The following NSFL1C variants were observed in gnomAD, a reference collection of about 807,000 sequenced individuals.
The protein encoded by NSFL1C is NSFL1 cofactor.
A neutral mutation model predicts 43.1 loss-of-function variants in NSFL1C; 14 were observed. The ratio of observed to expected loss-of-function variants is 0.32; its 90% CI spans 0.21 to 0.51. The LOEUF (loss-of-function observed/expected upper bound fraction) is 0.51, where lower values mean the gene tolerates loss of function less well. Ranked by LOEUF, NSFL1C falls within the 20% of genes least tolerant of loss-of-function variation. The pLI is 0.98. For synonymous variants in NSFL1C, 171 were observed against 183.5 expected (o/e 0.93, Z 0.55); for missense variants, 406 against 472.5 (o/e 0.86, Z 1.30).
rs2089973421 is a variant in NSFL1C at position 1,442,695 on chromosome 20, G to C, written c.*1054C>G. ...CACAAGTCAGCAGGTCAAAGAACAA[G>C]TGTGAAGCAGAACCTGCTAAGCAAA... On this transcript the variant is annotated 3_prime_UTR_variant, in exon 9 of 9. Transcript: ENST00000216879. The C allele has an allele frequency of 6.6e-6, 1 of 152,210 alleles. No individual in the cohort carries two copies. Among genetic ancestry groups the C allele is most frequent in the South Asian group, 2.1e-4 (1 of 4,828 alleles). The allele number at this position is 152,210 out of a possible 1,614,324, so 9.4% of individuals were successfully genotyped here. A position where few individuals can be genotyped will look rare whatever the true frequency, so the allele number is the denominator to read the frequency against.
chr20:1,446,311 ATTC>A (rs750066542), intron 7 of NSFL1C, among the ~76,000 whole-genome samples: 1 of 152,052 alleles, frequency 6.6e-6, no homozygotes, highest in Non-Finnish European at 1.5e-5. Flanking sequence ...AGCAATCCAG[ATTC>A]TTCTTCTGTG....
intron 2 of NSFL1C, among the ~76,000 whole-genome samples, chr20:1,462,006 C>T (rs1450389471): frequency 1.3e-5 from 2 of 152,190 alleles, no homozygotes; most frequent in Non-Finnish European, 2.9e-5. Flanking sequence ...TACCTGCTAA[C>T]ATGTACACAA....
At chr20:1,453,677 G>C (rs1392823726) in intron 5 of NSFL1C, among the ~76,000 whole-genome samples, 4 of 152,058 alleles carry the variant, frequency 2.6e-5, no homozygotes, top group Non-Finnish European at 5.9e-5. Context: ...AACCCAAAAT[G>C]ATTTAAAACA....
At position 1,445,791 on chromosome 20, in the gene NSFL1C, T is replaced by C. The variant is rs534224741; in HGVS notation, c.825A>G (p.Gln275=). 1.6e-5 allele frequency: 26 copies of C among 1,614,032 alleles called. No homozygotes were observed. Among genetic ancestry groups the C allele is most frequent in the East Asian group, 1.6e-4 (7 of 44,848 alleles). ...PQVLSTSSPA[Q]QAENEAKASS... is the part of the protein sequence containing the mutation. ...TGGCTTTGGCTTCATTTTCTGCCTGTTGGGCTGGAGAGCTGGTACTCAACA... is the reference window on the plus strand; with the variant it reads ...TGGCTTTGGCTTCATTTTCTGCCTGCTGGGCTGGAGAGCTGGTACTCAACA... The change falls in exon 8 of 9, where the codon CAA becomes CAG. Residue 275 remains glutamine, a synonymous_variant. Transcript: ENST00000216879.
rs2090525302 is a variant in NSFL1C, at chr20:1,466,827, T to C, written c.-3A>G. The C allele has an allele frequency of 6.5e-7, 1 of 1,534,222 alleles. No homozygotes were observed. Among genetic ancestry groups the C allele is most frequent in the African/African-American group, 1.4e-5 (1 of 70,150 alleles). On this transcript the variant is annotated 5_prime_UTR_variant, in exon 1 of 9. Transcript: ENST00000216879. Reference sequence around the variant, plus strand: ...GCCTCCTGTCGCTCCGCCGCCATCTTCGCCCCGTGCGCCTTCCAAAGCGCT... The same window carrying C: ...GCCTCCTGTCGCTCCGCCGCCATCTCCGCCCCGTGCGCCTTCCAAAGCGCT...
chr20:1,464,855 T>A (rs2090478600), intron 1 of NSFL1C, among the ~76,000 whole-genome samples: 1 of 152,294 alleles, frequency 6.6e-6, no homozygotes, highest in Non-Finnish European at 1.5e-5. Flanking sequence ...TAAAAAAAAA[T>A]TTGTTCAAGT....
At chr20:1,465,925 C>T (rs2090500316) in intron 1 of NSFL1C, among the ~76,000 whole-genome samples, 1 of 152,184 alleles carries the variant, frequency 6.6e-6, no homozygotes, top group Non-Finnish European at 1.5e-5. Flanking sequence ...ACATGTAAAG[C>T]AGTCAGAACA....
At chr20:1,458,303 C>T in intron 2 of NSFL1C, 29 bp from the exon 3 acceptor site, 1 of 1,584,702 alleles carries the variant, frequency 6.3e-7, no homozygotes, top group Non-Finnish European at 8.7e-7. Context: ...GCAAAATGAT[C>T]TCAGGGAGCA....
At chr20:1,445,020 T>C (rs748714418) in intron 8 of NSFL1C, among the ~76,000 whole-genome samples, 4 of 152,194 alleles carry the variant, frequency 2.6e-5, no homozygotes, top group Non-Finnish European at 4.4e-5. Flanking sequence ...CAATAACATT[T>C]AGACACTTCT....
rs1272791350 is a variant in NSFL1C, at chr20:1,455,824, C to T, written c.279-692G>A. The T allele has an allele frequency of 6.6e-6, 5 of 761,762 alleles. No individual in the cohort carries two copies. The African/African-American group carries it at 8.5e-5, about 13-fold the overall frequency. 47.2% of individuals were successfully genotyped at this position (761,762 alleles called of 1,614,324 possible). A position where few individuals can be genotyped will look rare whatever the true frequency, so the allele number is the denominator to read the frequency against. ...GTGTGACACAGCACCAGGAGCTCCC[C>T]CAAGCCTCACCTCACCTTGCCATTC... On this transcript the variant is annotated intron_variant, in intron 3 of 8. Transcript: ENST00000216879.
In NSFL1C at chr20:1,445,976, G is replaced by A. The variant is rs1410421940; in HGVS notation, c.786-146C>T. 3.4e-5 allele frequency: 29 copies of A among 840,928 alleles called. No individual in the cohort carries two copies. The Admixed American group carries it at 6.7e-4, about 20-fold the overall frequency. The allele number at this position is 840,928 out of a possible 1,614,324, so 52.1% of individuals were successfully genotyped here. ...TCTATTGACCCAGACAGGGAAAATC[G>A]TGCCCTTATGGAACTTACAGGTCCA... On this transcript the variant is annotated intron_variant, in intron 7 of 8. Coordinates refer to ENST00000216879, the MANE Select transcript of NSFL1C (RefSeq NM_016143.5).
At chr20:1,459,289 AT>A (rs1165604175) in intron 2 of NSFL1C, among the ~76,000 whole-genome samples, 8 of 152,186 alleles carry the variant, frequency 5.3e-5, no homozygotes, top group Admixed American at 4.6e-4. Flanking sequence ...ACAAGATATG[AT>A]CGTTTTAAAA....
chr20:1,453,242 TAAAACACACATA>T, intron 5 of NSFL1C, 102 bp from the exon 6 acceptor site: 2 of 717,250 alleles, frequency 2.8e-6, no homozygotes, highest in South Asian at 1.5e-5. Context: ...TTGCTACTAT[TAAAACACACATA>T]GAGACACACA....
rs189355652 is a variant in NSFL1C, at chr20:1,458,737, G to A, written c.204-463C>T. Among the ~76,000 whole-genome samples the A allele has an allele frequency of 1.3e-3, 205 of 152,158 alleles. 2 individuals carry two copies. Among genetic ancestry groups the A allele is most frequent in the African/African-American group, 4.3e-3 (177 of 41,506 alleles). On this transcript the variant is annotated intron_variant, in intron 2 of 8. Transcript: ENST00000216879. ...GGACAATCATGGTGATGGGGCTGCT[G>A]GGGAAAAGGGGTTGGTGTAGCATTA... is the stretch of plus-strand genomic sequence containing the variant.
chr20:1,462,458 C>T (rs1238688900), intron 2 of NSFL1C, among the ~76,000 whole-genome samples: 1 of 152,044 alleles, frequency 6.6e-6, no homozygotes, highest in Non-Finnish European at 1.5e-5. Context: ...ACCAAATGTG[C>T]GTCCAGTCTT....
chr20:1,466,695 G>A (rs1002086531), intron 1 of NSFL1C, 25 bp downstream of exon 1: 1 of 1,532,560 alleles, frequency 6.5e-7, no homozygotes, highest in Admixed American at 2.0e-5. Context: ...CGGCCCACCC[G>A]ACACAGCCCG....
intron 5 of NSFL1C, among the ~76,000 whole-genome samples, 167 bp from the exon 6 acceptor site, chr20:1,453,307 A>G (rs1013139874): frequency 3.3e-5 from 5 of 152,198 alleles, no homozygotes; most frequent in Admixed American, 3.3e-4. Flanking sequence ...CAAACTAAAT[A>G]AGCATTAACC....
chr20:1,448,805 T>C (rs1161054690), intron 7 of NSFL1C, among the ~76,000 whole-genome samples: 1 of 152,168 alleles, frequency 6.6e-6, no homozygotes, highest in East Asian at 1.9e-4. Flanking sequence ...CAGTGTTGGT[T>C]CACGGTAGAG....
At chr20:1,449,858 T>C (rs541598150) in intron 7 of NSFL1C, among the ~76,000 whole-genome samples, 127 of 152,228 alleles carry the variant, frequency 8.3e-4, no homozygotes, top group African/African-American at 3.0e-3. Flanking sequence ...CGGGAGCAGC[T>C]AAAGCTCACT....
Sources: gnomAD v4.1 joint callset for allele counts (sites outside exome capture counted in the v4.1 genomes callset) on GRCh38, gnomAD v4.1.1 for gene constraint, MANE v1.5 for transcripts, NCBI Gene and HGNC (gene_info 2026-07-23, HGNC 2026-07-21) for gene names.